Variants in CRYBG1 observed in about 807,000 individuals in gnomAD.
CRYBG1 encodes crystallin beta-gamma domain containing 1.
CRYBG1 carries 139 observed loss-of-function variants against 189.2 expected under a neutral mutation model. The observed-to-expected ratio is 0.73, with a 90% CI of 0.64 to 0.85. The LOEUF (loss-of-function observed/expected upper bound fraction) is 0.85. Ranked by LOEUF, CRYBG1 falls within the 40% of genes least tolerant of loss-of-function variation. CRYBG1 has a pLI of 0.00. For missense variants in CRYBG1, 2,611 were observed against 2,675.8 expected (o/e 0.98, Z 0.53); for synonymous variants, 1,023 against 1,017.1 (o/e 1.01, Z -0.11).
At chr6:106,556,147 T>C (rs1299403146) in intron 17 of CRYBG1, among the ~76,000 whole-genome samples, 2 of 152,202 alleles carry the variant, frequency 1.3e-5, no homozygotes, top group Non-Finnish European at 2.9e-5. Context: ...TCTTGGACTA[T>C]ATATTAGGAG....
At chr6:106,556,376 T>C (rs1774545886) in intron 17 of CRYBG1, among the ~76,000 whole-genome samples, 1 of 152,262 alleles carries the variant, frequency 6.6e-6, no homozygotes, top group South Asian at 2.1e-4. Context: ...TTATTTATAA[T>C]TTGCATTTTC....
Position 106,360,727 on chromosome 6 carries a change from G to T in CRYBG1, c.-182G>T. On this transcript the variant is annotated 5_prime_UTR_variant, in exon 1 of 22. Transcript: ENST00000633556. ...AACAGCTCGGGCTGCAGTGCTGCTC[G>T]CGCTGCGCTGGGTGCTGGTTCTGCA... The T allele has an allele frequency of 1.6e-6, 1 of 624,474 alleles. No homozygotes were observed. Among genetic ancestry groups the T allele is most frequent in the Non-Finnish European group, 2.5e-6 (1 of 392,826 alleles). The allele number at this position is 624,474 out of a possible 1,614,324, so 38.7% of individuals were successfully genotyped here. A position where few individuals can be genotyped will look rare whatever the true frequency, so the allele number is the denominator to read the frequency against.
chr6:106,401,656 G>A (rs1441572006), intron 1 of CRYBG1, among the ~76,000 whole-genome samples: 2 of 115,466 alleles, frequency 1.7e-5, no homozygotes, highest in Non-Finnish European at 3.5e-5. Context: ...AATATGCGGT[G>A]TTTGGTTTTT....
intron 2 of CRYBG1, among the ~76,000 whole-genome samples, chr6:106,471,914 A>G (rs1361992908): frequency 6.6e-6 from 1 of 152,214 alleles, no homozygotes; most frequent in Non-Finnish European, 1.5e-5. Flanking sequence ...GGTCTTATTT[A>G]GGGAGATAAG....
intron 13 of CRYBG1, among the ~76,000 whole-genome samples, chr6:106,547,205 C>G (rs1165987871): frequency 2.0e-5 from 3 of 147,220 alleles, no homozygotes; most frequent in African/African-American, 7.7e-5. Flanking sequence ...CACACACACA[C>G]ACACACACCA....
intron 1 of CRYBG1, among the ~76,000 whole-genome samples, chr6:106,433,737 A>G (rs1490627530): frequency 1.0e-4 from 2 of 19,642 alleles, no homozygotes; most frequent in African/African-American, 7.5e-4. Flanking sequence ...ATATATATAC[A>G]TATATATGTA....
In CRYBG1 at chr6:106,543,452, G is replaced by T. The variant is rs770114306; in HGVS notation, c.4894G>T (p.Glu1632Ter). ...ATTTCTATTGTAGGTAGTTGTTTAT[G>T]AAAAGCCTTTCTTTGAAGGAAAATG... Reference protein sequence around the residue: ...FPTDPKVVVYEKPFFEGKCVE... With the variant: ...FPTDPKVVVY The change falls in exon 11 of 22, where the codon GAA (glutamate) becomes TAA (stop). Residue 1632 changes from glutamate (E) to a stop codon, truncating the protein, a stop_gained. Coordinates refer to ENST00000633556, the MANE Select transcript of CRYBG1 (RefSeq NM_001371242.2). LOFTEE classifies it high-confidence loss of function. 6.2e-7 allele frequency: 1 copy of T among 1,613,310 alleles called. No homozygotes were observed.
intron 1 of CRYBG1, among the ~76,000 whole-genome samples, chr6:106,428,785 A>C (rs772635273): frequency 6.6e-6 from 1 of 152,176 alleles, no homozygotes; most frequent in African/African-American, 2.4e-5. Context: ...CCTTCAGTTC[A>C]TTGTCATTTC....
chr6:106,470,603 C>T (rs567643704), intron 2 of CRYBG1, among the ~76,000 whole-genome samples: 14 of 152,018 alleles, frequency 9.2e-5, no homozygotes, highest in African/African-American at 3.1e-4. Context: ...AATACTTCTG[C>T]ACTATAAAAA....
intron 1 of CRYBG1, among the ~76,000 whole-genome samples, chr6:106,380,922 A>G (rs1770275489): frequency 6.6e-6 from 1 of 152,200 alleles, no homozygotes; most frequent in African/African-American, 2.4e-5. Context: ...CAAAATCAAG[A>G]TGTTTCAAAC....
At position 106,544,953 on chromosome 6, in the gene CRYBG1, T is replaced by C. The variant is rs756770412; in HGVS notation, c.5312+20T>C. ...TGGAGTGTAAGTGAAATAATCCAGT[T>C]GGAATTTTAAACATGCGTTTTACCT... On this transcript the variant is annotated intron_variant, in intron 13 of 21. Transcript: ENST00000633556. 1 of 1,587,268 alleles carries C rather than the reference T, an allele frequency of 6.3e-7. No individual in the cohort carries two copies. Among genetic ancestry groups the C allele is most frequent in the Admixed American group, 1.9e-5 (1 of 52,702 alleles).
chr6:106,386,221 AGTCTTCTGCTGTCTAATCACTGG>A (rs1770387449), intron 1 of CRYBG1, among the ~76,000 whole-genome samples: 1 of 152,208 alleles, frequency 6.6e-6, no homozygotes, highest in African/African-American at 2.4e-5. Context: ...GCAGTCTTAT[AGTCTTCTGCTGTCTAATCACTGG>A]GTCTTTCCCC....
intron 13 of CRYBG1, among the ~76,000 whole-genome samples, chr6:106,547,470 A>G (rs1774291419): frequency 6.6e-6 from 1 of 152,192 alleles, no homozygotes; most frequent in African/African-American, 2.4e-5. Context: ...CAGGGAAGGA[A>G]GACTTTGTGG....
At chr6:106,421,856 C>A (rs772726627) in intron 1 of CRYBG1, among the ~76,000 whole-genome samples, 69 of 152,138 alleles carry the variant, frequency 4.5e-4, no homozygotes, top group Non-Finnish European at 8.4e-4. Flanking sequence ...CAAGGAGGAG[C>A]AAGTCACATC....
intron 2 of CRYBG1, among the ~76,000 whole-genome samples, chr6:106,470,303 C>T (rs1772205584): frequency 6.6e-6 from 1 of 152,052 alleles, no homozygotes; most frequent in Admixed American, 6.5e-5. Flanking sequence ...CCAGCCTGGG[C>T]AACAAAGGGA....
intron 13 of CRYBG1, among the ~76,000 whole-genome samples, chr6:106,545,750 C>T (rs1774254552): frequency 1.3e-5 from 2 of 152,180 alleles, no homozygotes; most frequent in Non-Finnish European, 2.9e-5. Flanking sequence ...AAAATCTCAG[C>T]TCACTGCAAC....
At chr6:106,483,402 A>ATATATATATATATATAT (rs1361096436) in intron 2 of CRYBG1, among the ~76,000 whole-genome samples, 3 of 88,298 alleles carry the variant, frequency 3.4e-5, no homozygotes, top group South Asian at 3.6e-4. Flanking sequence ...ATATATATAT[A>ATATATATATATATATAT]AAACATTTTC....
intron 2 of CRYBG1, among the ~76,000 whole-genome samples, chr6:106,510,663 G>A (rs1427483016): frequency 6.6e-6 from 1 of 152,180 alleles, no homozygotes; most frequent in Admixed American, 6.5e-5. Flanking sequence ...CTCGGCTCTA[G>A]GGGGCGGTGA....
intron 16 of CRYBG1, among the ~76,000 whole-genome samples, chr6:106,555,192 G>GAA (rs71012714): frequency 1.2e-4 from 17 of 143,276 alleles, no homozygotes; most frequent in African/African-American, 3.4e-4. Flanking sequence ...AGAAAAAAAG[G>GAA]AAAAAAAAAA....
Sources: allele counts gnomAD v4.1 joint callset (sites outside exome capture counted in the v4.1 genomes callset), GRCh38; gene constraint gnomAD v4.1.1; transcripts MANE v1.5; gene names NCBI Gene and HGNC (gene_info 2026-07-23, HGNC 2026-07-21).